Variants in DOCK10 observed in about 807,000 individuals in gnomAD.
The protein encoded by DOCK10 is dedicator of cytokinesis protein 10.
DOCK10 carries 145 observed loss-of-function variants against 280.1 expected under a neutral mutation model. That is an observed-to-expected ratio of 0.52 (90% CI 0.45 to 0.59). The LOEUF (loss-of-function observed/expected upper bound fraction) is 0.59. Among genes scored for constraint, DOCK10 ranks in the 20% least tolerant of loss-of-function variants. DOCK10 has a pLI of 0.00. For synonymous variants in DOCK10, 915 were observed against 942.2 expected (o/e 0.97, Z 0.53); for missense variants, 2,368 against 2,651.7 (o/e 0.89, Z 2.35).
intron 1 of DOCK10, among the ~76,000 whole-genome samples, chr2:224,942,591 G>A (rs16866386): frequency 0.015 from 2,208 of 152,208 alleles, 54 homozygotes; most frequent in African/African-American, 0.05. Context: ...AGCACCTAAC[G>A]AAGCACAGAT....
At chr2:224,882,209 T>C (rs915278667) in intron 7 of DOCK10, among the ~76,000 whole-genome samples, 1 of 152,162 alleles carries the variant, frequency 6.6e-6, no homozygotes, top group African/African-American at 2.4e-5. Context: ...GATGAATGAA[T>C]GTGAGAATGA....
At chr2:224,784,865 C>A in intron 50 of DOCK10, 1 of 874,424 alleles carries the variant, frequency 1.1e-6, no homozygotes, top group Non-Finnish European at 1.6e-6. Flanking sequence ...TTGCAGAAAC[C>A]ATCTGGTAGG....
At chr2:224,855,231 T>C (rs912366234) in intron 15 of DOCK10, among the ~76,000 whole-genome samples, 189 bp from the exon 16 acceptor site, 3 of 152,206 alleles carry the variant, frequency 2.0e-5, no homozygotes, top group African/African-American at 4.8e-5. Context: ...CAAACTAAAA[T>C]ACATGTGATA....
chr2:224,890,182 C>T (rs2125788450), intron 4 of DOCK10, among the ~76,000 whole-genome samples: 1 of 152,288 alleles, frequency 6.6e-6, no homozygotes, highest in South Asian at 2.1e-4. Context: ...CCTATTCTGT[C>T]CTCTTTGGCC....
intron 3 of DOCK10, among the ~76,000 whole-genome samples, chr2:224,900,435 C>T (rs1031227984): frequency 1.3e-5 from 2 of 152,132 alleles, no homozygotes; most frequent in African/African-American, 4.8e-5. Flanking sequence ...GATCTTTGAC[C>T]TAGGCCCCAT....
At chr2:224,824,691 C>T (rs1453983715) in intron 27 of DOCK10, among the ~76,000 whole-genome samples, 2 of 151,974 alleles carry the variant, frequency 1.3e-5, no homozygotes, top group Non-Finnish European at 2.9e-5. Flanking sequence ...GCCTTGGCCT[C>T]CCAAACTGCT....
intron 1 of DOCK10, among the ~76,000 whole-genome samples, chr2:225,000,863 C>A (rs1188981636): frequency 6.6e-6 from 1 of 152,200 alleles, no homozygotes; most frequent in Non-Finnish European, 1.5e-5. Flanking sequence ...GTAATCCCAG[C>A]TACTCGGGAG....
At chr2:224,844,921 G>T in intron 21 of DOCK10, 82 bp from the exon 22 acceptor site, 1 of 1,022,968 alleles carries the variant, frequency 9.8e-7, no homozygotes, top group Non-Finnish European at 1.5e-6. Context: ...ATGTTAATGT[G>T]CTGTTCTGAT....
At chr2:224,887,902 G>C (rs953694706) in intron 4 of DOCK10, among the ~76,000 whole-genome samples, 3 of 152,082 alleles carry the variant, frequency 2.0e-5, no homozygotes, top group Non-Finnish European at 4.4e-5. Context: ...CTGCACATGT[G>C]CTACTTTGCA....
chr2:224,968,762 G>A (rs1035516234), intron 1 of DOCK10, among the ~76,000 whole-genome samples: 1 of 152,146 alleles, frequency 6.6e-6, no homozygotes, highest in African/African-American at 2.4e-5. Flanking sequence ...CATCATAAAC[G>A]AGTCTTTATC....
intron 3 of DOCK10, among the ~76,000 whole-genome samples, chr2:224,899,858 C>CA (rs1467811595): frequency 6.6e-6 from 1 of 152,122 alleles, no homozygotes; most frequent in Admixed American, 6.5e-5. Flanking sequence ...TCTAAGTTAG[C>CA]AAAATGAAAA....
At chr2:224,967,743 AC>A (rs1388496693) in intron 1 of DOCK10, among the ~76,000 whole-genome samples, 1 of 152,044 alleles carries the variant, frequency 6.6e-6, no homozygotes, top group Non-Finnish European at 1.5e-5. Flanking sequence ...AAAAAAAAAA[AC>A]CACATATATG....
chr2:224,803,287 A>AT (rs538248570), intron 39 of DOCK10, among the ~76,000 whole-genome samples: 7 of 151,428 alleles, frequency 4.6e-5, no homozygotes, highest in African/African-American at 7.3e-5. Context: ...TGTCCATTAC[A>AT]TTTTTTTTCA....
intron 31 of DOCK10, among the ~76,000 whole-genome samples, chr2:224,810,197 C>T (rs1432794419): frequency 6.6e-6 from 1 of 152,064 alleles, no homozygotes; most frequent in African/African-American, 2.4e-5. Flanking sequence ...GATGGATATC[C>T]TAAAAGCCTT....
At chr2:224,937,492 C>T (rs1432241512) in intron 1 of DOCK10, among the ~76,000 whole-genome samples, 1 of 152,112 alleles carries the variant, frequency 6.6e-6, no homozygotes, top group African/African-American at 2.4e-5. Context: ...GTCCTATATG[C>T]TTTCATATTT....
At chr2:224,917,468 T>C (rs899266286) in intron 2 of DOCK10, among the ~76,000 whole-genome samples, 5 of 152,096 alleles carry the variant, frequency 3.3e-5, no homozygotes, top group African/African-American at 1.2e-4. Flanking sequence ...TCGTAAATAA[T>C]CTCAAATATC....
At chr2:224,941,838 C>T (rs1269348920) in intron 1 of DOCK10, among the ~76,000 whole-genome samples, 1 of 118,074 alleles carries the variant, frequency 8.5e-6, no homozygotes, top group East Asian at 2.2e-4. Context: ...ACTGAGCCTC[C>T]ATCTCAAAAA....
At chr2:224,949,526 G>A (rs1703610573) in intron 1 of DOCK10, among the ~76,000 whole-genome samples, 1 of 152,204 alleles carries the variant, frequency 6.6e-6, no homozygotes, top group Admixed American at 6.5e-5. Flanking sequence ...GAAGGAGTCT[G>A]GGGAAGCTTT....
intron 1 of DOCK10, among the ~76,000 whole-genome samples, chr2:224,961,412 C>CTTTCTTTTTCTTTCTTTCTTTCTTTCTT (rs57668925): frequency 3.4e-5 from 4 of 119,382 alleles, no homozygotes; most frequent in African/African-American, 1.3e-4. Flanking sequence ...TTCTTTCTTT[C>CTTTCTTTTTCTTTCTTTCTTTCTTTCTT]TCTTTCTTTC....
Sources: gnomAD v4.1 joint callset for allele counts (sites outside exome capture counted in the v4.1 genomes callset) on GRCh38, gnomAD v4.1.1 for gene constraint, MANE v1.5 for transcripts, NCBI Gene and HGNC (gene_info 2026-07-23, HGNC 2026-07-21) for gene names.